Variants in DLG1 observed in about 807,000 individuals in gnomAD.
The protein encoded by DLG1 is disks large homolog 1.
Under a neutral mutation model 123.4 loss-of-function variants are expected in DLG1, and 42 were observed. That is an observed-to-expected ratio of 0.34 (90% CI 0.27 to 0.44). The LOEUF is 0.44. Ranked by LOEUF, DLG1 falls within the 20% of genes least tolerant of loss-of-function variation. DLG1 has a pLI of 1.00. For missense variants in DLG1, 942 were observed against 1,082.6 expected, an observed-to-expected ratio of 0.87 and a Z score of 1.82; for synonymous variants, 317 against 356.2, an observed-to-expected ratio of 0.89 and a Z score of 1.24.
At chr3:197,051,742 T>C (rs1207118745) in intron 23 of DLG1, 74 bp from the exon 24 acceptor site, 1 of 1,130,596 alleles carries the variant, frequency 8.8e-7, no homozygotes, top group Non-Finnish European at 1.3e-6. Context: ...AAAGGAGAGA[T>C]GACACATAAA....
At chr3:197,081,410 G>GT (rs1457518382) in intron 16 of DLG1, among the ~76,000 whole-genome samples, 1 of 152,156 alleles carries the variant, frequency 6.6e-6, no homozygotes, top group African/African-American at 2.4e-5. Context: ...CCATTTCTGA[G>GT]TTTAACAGTT....
At chr3:197,230,802 C>T (rs1349496045) in intron 4 of DLG1, among the ~76,000 whole-genome samples, 5 of 152,166 alleles carry the variant, frequency 3.3e-5, no homozygotes, top group African/African-American at 9.6e-5. Flanking sequence ...AGTGATGTTA[C>T]ATCTCAAGAC....
chr3:197,202,090 C>T (rs922419739), intron 4 of DLG1, among the ~76,000 whole-genome samples: 2 of 152,110 alleles, frequency 1.3e-5, no homozygotes, highest in Non-Finnish European at 2.9e-5. Flanking sequence ...CTCATTTCAC[C>T]ACAATACAGT....
rs1020307039 is a variant in DLG1 at position 197,210,956 on chromosome 3, A to G, written c.319-16367T>C. Among the ~76,000 whole-genome samples the G allele has an allele frequency of 8.8e-4, 129 of 146,442 alleles. 12 individuals carry two copies. The highest frequency in any genetic ancestry group is 8.8e-3 in the Admixed American group (128 of 14,562). On this transcript the variant is annotated intron_variant, in intron 4 of 24. Transcript: ENST00000667157. ...AAATTGAATATGAAAAGGATGCTGT[A>G]AAGGATAATACATCATGACCAAATA...
intron 3 of DLG1, among the ~76,000 whole-genome samples, chr3:197,290,662 G>C (rs1024296417): frequency 2.0e-5 from 3 of 152,072 alleles, no homozygotes. Flanking sequence ...ATCAATCTCA[G>C]CTGGGCGCAG....
chr3:197,090,117 G>A (rs1206668982), intron 15 of DLG1, among the ~76,000 whole-genome samples: 2 of 151,972 alleles, frequency 1.3e-5, no homozygotes, highest in Admixed American at 1.3e-4. Flanking sequence ...TAAATGAAAC[G>A]TATTAGGAAC....
intron 24 of DLG1, among the ~76,000 whole-genome samples, chr3:197,049,678 G>C (rs1172805143): frequency 7.6e-6 from 1 of 132,220 alleles, no homozygotes; most frequent in Non-Finnish European, 1.7e-5. Flanking sequence ...CTTGAACCCG[G>C]GAGGTTGTGG....
intron 6 of DLG1, among the ~76,000 whole-genome samples, chr3:197,145,178 G>A (rs540556801): frequency 6.6e-6 from 1 of 152,170 alleles, no homozygotes; most frequent in South Asian, 2.1e-4. Context: ...TACTTGACAG[G>A]AAGTCCTTTG....
chr3:197,164,080 A>G (rs1253830237), intron 5 of DLG1, among the ~76,000 whole-genome samples: 2 of 152,002 alleles, frequency 1.3e-5, no homozygotes, highest in Non-Finnish European at 2.9e-5. Context: ...TTGGCAGTAA[A>G]TATCTAGAGC....
chr3:197,045,338 G>C lies in DLG1; in HGVS notation c.2576-609C>G, dbSNP rs1722176960. Among the ~76,000 whole-genome samples, 3 of 152,172 alleles carry C rather than the reference G, an allele frequency of 2.0e-5. No homozygotes were observed. The South Asian group carries it at 6.2e-4, about 32-fold the overall frequency. On this transcript the variant is annotated intron_variant, in intron 24 of 24. Coordinates refer to ENST00000667157, the MANE Select transcript of DLG1 (RefSeq NM_001366207.1). ...AACAACTAATTCTTTGGGAATAGCT[G>C]AAGCCCCTGAGGTCTGTGAGGGATT... is the stretch of plus-strand genomic sequence containing the variant.
At chr3:197,231,016 T>C (rs1007270259) in intron 4 of DLG1, among the ~76,000 whole-genome samples, 3 of 150,934 alleles carry the variant, frequency 2.0e-5, no homozygotes, top group Non-Finnish European at 4.4e-5. Flanking sequence ...TAAGTTTCCA[T>C]GGTGACAGCT....
At chr3:197,274,102 A>G (rs1765256619) in intron 4 of DLG1, among the ~76,000 whole-genome samples, 2 of 152,190 alleles carry the variant, frequency 1.3e-5, no homozygotes, top group South Asian at 4.1e-4. Context: ...TAGAAAAAAC[A>G]AGCCTAAAAT....
At chr3:197,132,265 G>C (rs989606028) in intron 10 of DLG1, among the ~76,000 whole-genome samples, 2 of 147,902 alleles carry the variant, frequency 1.4e-5, no homozygotes, top group Non-Finnish European at 3.0e-5. Flanking sequence ...GTTTGCTTTA[G>C]GTTTGGATTG....
chr3:197,042,673 G>C lies in DLG1; in HGVS notation c.*1950C>G, dbSNP rs973252152. 1 of 152,014 alleles carries C rather than the reference G, an allele frequency of 6.6e-6. No homozygotes were observed. The highest frequency in any genetic ancestry group is 1.5e-5 in the Non-Finnish European group (1 of 68,004). The allele number at this position is 152,014 out of a possible 1,614,324, so 9.4% of individuals were successfully genotyped here. On this transcript the variant is annotated 3_prime_UTR_variant, in exon 25 of 25. Transcript: ENST00000667157. ...AATACTTCAAAATAGCTTATGCTGC[G>C]GTCTTGTAAGGCAGTTTCTGAAGCT...
At chr3:197,169,897 T>C (rs1358055607) in intron 5 of DLG1, among the ~76,000 whole-genome samples, 1 of 152,168 alleles carries the variant, frequency 6.6e-6, no homozygotes, top group African/African-American at 2.4e-5. Context: ...TTTTTCCGGA[T>C]CTTCTCCCTC....
rs113053296 is a variant in DLG1, at chr3:197,085,877, C to A, written c.1662-121G>T. ...TATATCATAGTAGGCCAAATAATGC[C>A]CAGTTCAATTCTGCACTGCATACAA... On this transcript the variant is annotated intron_variant, in intron 15 of 24. Transcript: ENST00000667157. 1.2e-3 allele frequency: 1,038 copies of A among 843,392 alleles called. 11 individuals carry two copies. In the African/African-American group the frequency reaches 0.016, roughly 13 times the overall value. 52.2% of individuals were successfully genotyped at this position (843,392 alleles called of 1,614,324 possible).
chr3:197,084,220 A>T (rs566112271), intron 16 of DLG1, among the ~76,000 whole-genome samples: 140 of 152,306 alleles, frequency 9.2e-4, no homozygotes, highest in African/African-American at 3.0e-3. Flanking sequence ...CTTCACTGGT[A>T]TAGCTAAATG....
intron 19 of DLG1, among the ~76,000 whole-genome samples, chr3:197,067,457 G>A (rs555382525): frequency 2.0e-5 from 3 of 151,796 alleles, no homozygotes; most frequent in South Asian, 2.1e-4. Context: ...TTAAAGGTTC[G>A]GAGCTTAGGA....
intron 22 of DLG1, among the ~76,000 whole-genome samples, chr3:197,065,009 A>G (rs1052192604): frequency 1.3e-5 from 2 of 151,810 alleles, no homozygotes; most frequent in Non-Finnish European, 2.9e-5. Flanking sequence ...AGCTAGGCCT[A>G]AACAAAAGGT....
Sources: allele counts gnomAD v4.1 joint callset (sites outside exome capture counted in the v4.1 genomes callset), GRCh38; gene constraint gnomAD v4.1.1; transcripts MANE v1.5; gene names NCBI Gene and HGNC (gene_info 2026-07-23, HGNC 2026-07-21).